Variants in ZFAT observed in about 807,000 individuals in gnomAD.
The protein encoded by ZFAT is zinc finger and AT-hook domain containing.
A neutral mutation model predicts 117.7 loss-of-function variants in ZFAT; 64 were observed. The observed-to-expected ratio is 0.54, with a 90% confidence interval of 0.44 to 0.67. The LOEUF (loss-of-function observed/expected upper bound fraction) is 0.67, where lower values mean the gene tolerates loss of function less well. Ranked by LOEUF, ZFAT falls within the 30% of genes least tolerant of loss-of-function variation. The probability of loss-of-function intolerance (pLI) is 0.00; values close to 1 mark genes in which losing one functional copy is unlikely to be tolerated. For missense variants in ZFAT, 1,433 were observed against 1,584.5 expected (o/e 0.90, Z 1.62); for synonymous variants, 679 against 615.0 (o/e 1.10, Z -1.54).
intron 3 of ZFAT, among the ~76,000 whole-genome samples, chr8:134,629,381 C>T (rs921665139): frequency 6.6e-6 from 1 of 152,074 alleles, no homozygotes; most frequent in Non-Finnish European, 1.5e-5. Context: ...TAGTGACGGT[C>T]ACCAAGCATT....
chr8:134,743,202 A>G, the ZFAT span, among the ~76,000 whole-genome samples: 1 of 152,166 alleles, frequency 6.6e-6, no homozygotes, highest in Non-Finnish European at 1.5e-5. Context: ...AAATTAAGGA[A>G]AATGTGCCAG....
At chr8:134,775,753 C>T in the ZFAT span, among the ~76,000 whole-genome samples, 1 of 152,158 alleles carries the variant, frequency 6.6e-6, no homozygotes, top group East Asian at 1.9e-4. Flanking sequence ...TTTTGGTTGT[C>T]TTATGTAGGA....
chr8:134,615,288 G>A (rs912200285), intron 3 of ZFAT, among the ~76,000 whole-genome samples: 4 of 152,176 alleles, frequency 2.6e-5, no homozygotes, highest in Non-Finnish European at 5.9e-5. Context: ...CGGAGTTCAA[G>A]TGATTCTCGT....
the ZFAT span, among the ~76,000 whole-genome samples, chr8:134,777,207 T>A: frequency 6.6e-6 from 1 of 152,210 alleles, no homozygotes; most frequent in South Asian, 2.1e-4. Flanking sequence ...AAAATTATAA[T>A]CTTTTATAAA....
At chr8:134,626,764 G>C (rs1829543144) in intron 3 of ZFAT, among the ~76,000 whole-genome samples, 2 of 152,232 alleles carry the variant, frequency 1.3e-5, no homozygotes, top group South Asian at 4.1e-4. Context: ...AAGGCTCTGG[G>C]GCCCACACTT....
chr8:134,677,972 C>T (rs1563755416), intron 1 of ZFAT, among the ~76,000 whole-genome samples: 1 of 152,160 alleles, frequency 6.6e-6, no homozygotes, highest in Non-Finnish European at 1.5e-5. Flanking sequence ...CTATTTATGA[C>T]AAACCCACAG....
At chr8:134,716,272 A>G (rs929373315), upstream of ZFAT, among the ~76,000 whole-genome samples, 23 of 152,300 alleles carry the variant, frequency 1.5e-4, no homozygotes, top group African/African-American at 5.3e-4. Flanking sequence ...TTGGGTTAAC[A>G]GTTAAAAATC....
intron 11 of ZFAT, among the ~76,000 whole-genome samples, chr8:134,555,177 C>T (rs1452429824): frequency 6.6e-6 from 1 of 152,226 alleles, no homozygotes; most frequent in African/African-American, 2.4e-5. Context: ...ACAGCACATG[C>T]TTATCTCCCC....
chr8:134,481,417 C>T (rs1384671096), intron 15 of ZFAT, among the ~76,000 whole-genome samples: 1 of 152,210 alleles, frequency 6.6e-6, no homozygotes, highest in Non-Finnish European at 1.5e-5. Flanking sequence ...AGCTTTAACA[C>T]AGGCTCTGGG....
chr8:134,688,474 C>G (rs1249393100), intron 1 of ZFAT, among the ~76,000 whole-genome samples: 1 of 152,046 alleles, frequency 6.6e-6, no homozygotes, highest in African/African-American at 2.4e-5. Flanking sequence ...ACAATAATGA[C>G]AGAAAGTGGA....
At chr8:134,782,103 A>G in the ZFAT span, among the ~76,000 whole-genome samples, 1 of 152,198 alleles carries the variant, frequency 6.6e-6, no homozygotes, top group South Asian at 2.1e-4. Flanking sequence ...TCCATTATAA[A>G]CCAGGGGTGG....
At chr8:134,747,301 G>A in the ZFAT span, among the ~76,000 whole-genome samples, 1 of 151,696 alleles carries the variant, frequency 6.6e-6, no homozygotes, top group African/African-American at 2.4e-5. Flanking sequence ...TGTTGCCCAG[G>A]CTGGTCTCAA....
At chr8:134,678,500 G>T (rs1274630969) in intron 1 of ZFAT, among the ~76,000 whole-genome samples, 1 of 152,164 alleles carries the variant, frequency 6.6e-6, no homozygotes. Flanking sequence ...TGTGAAAATG[G>T]CCATACTGCC....
intron 1 of ZFAT, among the ~76,000 whole-genome samples, chr8:134,707,956 C>A (rs996108045): frequency 6.6e-6 from 1 of 152,288 alleles, no homozygotes; most frequent in African/African-American, 2.4e-5. Flanking sequence ...TGGCCAACAA[C>A]ACATGAATGA....
intron 11 of ZFAT, among the ~76,000 whole-genome samples, chr8:134,546,921 G>A (rs1046454627): frequency 1.3e-5 from 2 of 152,196 alleles, no homozygotes; most frequent in African/African-American, 4.8e-5. Flanking sequence ...CAGAACCAAC[G>A]GTATTTCTTT....
At chr8:134,637,209 C>A (rs998001581) in intron 3 of ZFAT, among the ~76,000 whole-genome samples, 11 of 152,248 alleles carry the variant, frequency 7.2e-5, no homozygotes, top group African/African-American at 1.4e-4. Flanking sequence ...ACCATCCCTG[C>A]AACTCTCAAA....
intron 7 of ZFAT, among the ~76,000 whole-genome samples, chr8:134,597,008 T>C (rs373698508): frequency 6.6e-6 from 1 of 150,488 alleles, no homozygotes; most frequent in African/African-American, 2.4e-5. Flanking sequence ...AAAAAAAAAA[T>C]TTGATTTCAC....
At chr8:134,576,686 A>AAACTCCAT (rs1825326589) in intron 10 of ZFAT, among the ~76,000 whole-genome samples, 1 of 152,204 alleles carries the variant, frequency 6.6e-6, no homozygotes, top group South Asian at 2.1e-4. Flanking sequence ...AAACAAAACA[A>AAACTCCAT]AACTCCATAC....
the ZFAT span, among the ~76,000 whole-genome samples, chr8:134,811,543 G>A: frequency 1.3e-5 from 2 of 152,188 alleles, no homozygotes; most frequent in South Asian, 2.1e-4. Context: ...TATTTGGCAA[G>A]GACAGGCATG....
Sources: gnomAD v4.1 joint callset for allele counts (sites outside exome capture counted in the v4.1 genomes callset) on GRCh38, gnomAD v4.1.1 for gene constraint, MANE v1.5 for transcripts, NCBI Gene and HGNC (gene_info 2026-07-23, HGNC 2026-07-21) for gene names.